Variants in SULT1C3 observed in about 807,000 individuals in gnomAD.
SULT1C3 encodes sulfotransferase 1C3.
SULT1C3 carries 31 observed loss-of-function variants against 28.4 expected under a neutral mutation model. That is an observed-to-expected ratio of 1.09 (90% CI 0.82 to 1.47). The LOEUF (loss-of-function observed/expected upper bound fraction) is 1.47. Ranked by LOEUF, SULT1C3 falls within the 40% of genes most tolerant of loss-of-function variation. The pLI is 0.00. For missense variants in SULT1C3, 307 were observed against 272.5 expected (o/e 1.13, Z -0.89); for synonymous variants, 106 against 92.2 (o/e 1.15, Z -0.86).
At chr2:108,263,284 G>T (rs1383104637), downstream of SULT1C3, among the ~76,000 whole-genome samples, 1 of 152,118 alleles carries the variant, frequency 6.6e-6, no homozygotes, top group Non-Finnish European at 1.5e-5. Flanking sequence ...CCCAGGAAAC[G>T]CCTAGGCAAA....
downstream of SULT1C3, chr2:108,264,722 A>G: frequency 6.7e-6 from 8 of 1,187,474 alleles, no homozygotes; most frequent in Non-Finnish European, 7.1e-6. Context: ...AATGTGTTCA[A>G]ATGATCCTTT....
chr2:108,240,939 T>C (rs1184976357), intron 1 of SULT1C3, among the ~76,000 whole-genome samples: 1 of 152,230 alleles, frequency 6.6e-6, no homozygotes, highest in Non-Finnish European at 1.5e-5. Flanking sequence ...CCTTTTGGAT[T>C]GGCTTTGAAG....
intron 5 of SULT1C3, among the ~76,000 whole-genome samples, 180 bp from the exon 6 acceptor site, chr2:108,258,554 G>A (rs535052260): frequency 1.3e-5 from 2 of 152,212 alleles, no homozygotes; most frequent in Non-Finnish European, 2.9e-5. Context: ...TAATAAATGT[G>A]TACTATAAAT....
intron 3 of SULT1C3, among the ~76,000 whole-genome samples, chr2:108,253,048 A>G (rs1264711923): frequency 6.6e-6 from 1 of 152,002 alleles, no homozygotes; most frequent in Non-Finnish European, 1.5e-5. Flanking sequence ...AGAGAGAGAG[A>G]AAAAGAGAAA....
intron 1 of SULT1C3, 74 bp from the exon 2 acceptor site, chr2:108,247,114 A>T: frequency 8.6e-7 from 1 of 1,168,804 alleles, no homozygotes. Flanking sequence ...AGGCAGTAAG[A>T]TGATAACCCA....
rs1675783465 is a variant in SULT1C3 at position 108,253,391 on chromosome 2, A to G, written c.348A>G (p.Thr116=). 1.9e-6 allele frequency: 3 copies of G among 1,584,006 alleles called. No individual in the cohort carries two copies. ...TGTCCTCACCACAACTGATAAAAAC[A>G]CATCTCCCTTCACATCTGATTCCAC... ...LEMSSPQLIK[T]HLPSHLIPPS... is the part of the protein sequence containing the mutation. The change falls in exon 4 of 8, where the codon ACA becomes ACG. Residue 116 remains threonine (T), a synonymous_variant. Transcript: ENST00000681802.
At chr2:108,240,616 C>G (rs544600767) in intron 1 of SULT1C3, among the ~76,000 whole-genome samples, 1 of 152,188 alleles carries the variant, frequency 6.6e-6, no homozygotes, top group Non-Finnish European at 1.5e-5. Context: ...CCAGAACTAG[C>G]ATATTGATTC....
At chr2:108,253,990 G>C (rs1188392731) in intron 4 of SULT1C3, among the ~76,000 whole-genome samples, 1 of 151,800 alleles carries the variant, frequency 6.6e-6, no homozygotes, top group Non-Finnish European at 1.5e-5. Context: ...ACTACCACCT[G>C]TACCCAACTC....
intron 5 of SULT1C3, among the ~76,000 whole-genome samples, chr2:108,256,723 C>T (rs908979504): frequency 3.3e-5 from 5 of 152,066 alleles, no homozygotes; most frequent in African/African-American, 7.2e-5. Context: ...ACTTCCACAA[C>T]ATGACCTGAA....
chr2:108,265,151 T>C, downstream of SULT1C3: 1 of 1,442,078 alleles, frequency 6.9e-7, no homozygotes, highest in Non-Finnish European at 9.5e-7. Flanking sequence ...GTTGCCTGTT[T>C]CTCCTCATTC....
At chr2:108,254,770 T>C (rs560119215) in intron 4 of SULT1C3, among the ~76,000 whole-genome samples, 9 of 150,314 alleles carry the variant, frequency 6.0e-5, no homozygotes, top group East Asian at 1.9e-4. Flanking sequence ...TATATGTATG[T>C]ATGCATATAT....
intron 2 of SULT1C3, among the ~76,000 whole-genome samples, chr2:108,250,032 A>G (rs561884121): frequency 1.5e-4 from 23 of 152,084 alleles, no homozygotes; most frequent in African/African-American, 4.8e-4. Context: ...TAATTTGGGG[A>G]AAAAAATGGA....
chr2:108,240,137 C>T (rs1675428966), intron 1 of SULT1C3, among the ~76,000 whole-genome samples, 54 bp downstream of exon 1: 1 of 152,118 alleles, frequency 6.6e-6, no homozygotes, highest in African/African-American at 2.4e-5. Context: ...ACCACCAGGC[C>T]CTGGAAAAGG....
At chr2:108,241,275 A>T (rs189239771) in intron 1 of SULT1C3, among the ~76,000 whole-genome samples, 7 of 152,266 alleles carry the variant, frequency 4.6e-5, no homozygotes, top group Non-Finnish European at 7.3e-5. Context: ...CTGTTGACAA[A>T]GAAAAATGGA....
chr2:108,257,524 C>A (rs1368757849), intron 5 of SULT1C3, among the ~76,000 whole-genome samples: 3 of 151,876 alleles, frequency 2.0e-5, no homozygotes, highest in Non-Finnish European at 2.9e-5. Flanking sequence ...ACTTGGTTTC[C>A]CTTTCTGCAG....
Position 108,253,358 on chromosome 2 carries a change from T to C in SULT1C3, c.315T>C (p.Val105=). The C allele has an allele frequency of 6.5e-7, 1 of 1,545,312 alleles. No homozygotes were observed. Among genetic ancestry groups the C allele is most frequent in the Non-Finnish European group, 8.7e-7 (1 of 1,148,658 alleles). The change falls in exon 4 of 8, where the codon GTT becomes GTC. Residue 105 remains valine (V), a synonymous_variant. Coordinates refer to ENST00000681802, the MANE Select transcript of SULT1C3 (RefSeq NM_001320878.2). Reference sequence around the variant, plus strand: ...GTTTCTTGCTAGATTTGGAGTTCGTTCTTGAAATGTCCTCACCACAACTGA... The same window carrying C: ...GTTTCTTGCTAGATTTGGAGTTCGTCCTTGAAATGTCCTCACCACAACTGA... ...PHKEKPDLEF[V]LEMSSPQLIK... is the part of the protein sequence containing the mutation.
chr2:108,263,856 ATAT>A (rs982502992), downstream of SULT1C3, among the ~76,000 whole-genome samples: 19 of 152,310 alleles, frequency 1.2e-4, no homozygotes, highest in African/African-American at 4.3e-4. Context: ...AGTTTTCAAA[ATAT>A]TCTTCTTCCT....
chr2:108,252,288 C>A (rs914694215), intron 2 of SULT1C3, 77 bp from the exon 3 acceptor site: 13 of 1,427,042 alleles, frequency 9.1e-6, no homozygotes, highest in Non-Finnish European at 1.2e-5. Context: ...ATGTTGCTGT[C>A]TTTCTTCAAA....
downstream of SULT1C3, among the ~76,000 whole-genome samples, chr2:108,262,516 G>T (rs1489869989): frequency 6.6e-6 from 1 of 152,180 alleles, no homozygotes; most frequent in Non-Finnish European, 1.5e-5. Flanking sequence ...GATGCTGAGA[G>T]TCCAGGTGTA....
Sources: allele counts gnomAD v4.1 joint callset (sites outside exome capture counted in the v4.1 genomes callset), GRCh38; gene constraint gnomAD v4.1.1; transcripts MANE v1.5; gene names NCBI Gene and HGNC (gene_info 2026-07-23, HGNC 2026-07-21).